TEK: variants seen among roughly 807,000 people sequenced by gnomAD.
The protein encoded by TEK is TEK receptor tyrosine kinase.
A neutral mutation model predicts 131.8 loss-of-function variants in TEK; 43 were observed. The ratio of observed to expected loss-of-function variants is 0.33; its 90% CI spans 0.26 to 0.42. The LOEUF (loss-of-function observed/expected upper bound fraction) is 0.42. Among genes scored for constraint, TEK ranks in the 10% least tolerant of loss-of-function variants. The pLI is 1.00. For synonymous variants in TEK, 580 were observed against 491.6 expected, an observed-to-expected ratio of 1.18 and a Z score of -2.38; for missense variants, 1,162 against 1,384.4, an observed-to-expected ratio of 0.84 and a Z score of 2.55.
intron 2 of TEK, among the ~76,000 whole-genome samples, chr9:27,164,171 C>T (rs1440302390): frequency 6.6e-6 from 1 of 152,140 alleles, no homozygotes; most frequent in East Asian, 1.9e-4. Flanking sequence ...GGACAGGTTA[C>T]CTAGCTTCTC....
chr9:27,200,296 A>G (rs1377094392), intron 12 of TEK, among the ~76,000 whole-genome samples: 1 of 152,198 alleles, frequency 6.6e-6, no homozygotes, highest in Non-Finnish European at 1.5e-5. Context: ...TCCTATTTCA[A>G]AATTATCTGA....
chr9:27,174,246 T>C (rs1824079921), intron 6 of TEK, among the ~76,000 whole-genome samples: 1 of 152,160 alleles, frequency 6.6e-6, no homozygotes, highest in South Asian at 2.1e-4. Flanking sequence ...GCTCAAAGGC[T>C]TTTCAGTGTT....
At chr9:27,198,990 G>T (rs1825122879) in intron 12 of TEK, among the ~76,000 whole-genome samples, 5 of 151,794 alleles carry the variant, frequency 3.3e-5, no homozygotes, top group Admixed American at 3.3e-4. Flanking sequence ...TGTAGAGATG[G>T]GATCTCCCTA....
In TEK at chr9:27,202,958, A is replaced by C; in HGVS notation, c.2048A>C (p.Gln683Pro). The change falls in exon 13 of 23, where the codon CAG becomes CCG. Residue 683 changes from glutamine to proline, a missense_variant. By Grantham distance (76) the Gln-to-Pro change is moderately conservative. This residue lies in a region of TEK where 477 missense variants were observed against 471.0 expected (regional missense o/e 1.01). Coordinates refer to ENST00000380036, the MANE Select transcript of TEK (RefSeq NM_000459.5). ...RYKVQGKNED[Q>P]HVDVKIKNAT... is the part of the protein sequence containing the mutation. ...AAGGTTCAAGGCAAGAATGAAGACC[A>C]GCACGTTGATGTGAAGATAAAGAAT... The C allele has an allele frequency of 6.2e-7, 1 of 1,614,142 alleles. No homozygotes were observed. Among genetic ancestry groups the C allele is most frequent in the Non-Finnish European group, 8.5e-7 (1 of 1,180,000 alleles).
At chr9:27,223,666 G>A (rs1014291509) in intron 21 of TEK, among the ~76,000 whole-genome samples, 1 of 152,162 alleles carries the variant, frequency 6.6e-6, no homozygotes, top group Non-Finnish European at 1.5e-5. Flanking sequence ...GAGAAAGCAG[G>A]AAAGATCTAA....
intron 1 of TEK, among the ~76,000 whole-genome samples, chr9:27,139,642 G>A (rs11790417): frequency 0.39 from 58,656 of 151,614 alleles, 12,233 homozygotes; most frequent in African/African-American, 0.49. Context: ...TATGATTTTT[G>A]AGAAGTTGGT....
intron 1 of TEK, among the ~76,000 whole-genome samples, chr9:27,127,527 C>G (rs972023499): frequency 1.3e-5 from 2 of 152,158 alleles, no homozygotes; most frequent in African/African-American, 4.8e-5. Flanking sequence ...TTTGGTATTT[C>G]TAGTTCTAGA....
At chr9:27,169,452 G>C (rs765669440) in intron 3 of TEK, 25 bp from the exon 4 acceptor site, 36 of 1,613,386 alleles carry the variant, frequency 2.2e-5, no homozygotes, top group Non-Finnish European at 2.9e-5. Flanking sequence ...GTGACCTACG[G>C]TTCTTCACTC....
At chr9:27,186,763 T>C (rs761217536) in intron 9 of TEK, among the ~76,000 whole-genome samples, 57 of 152,154 alleles carry the variant, frequency 3.7e-4, no homozygotes, top group Non-Finnish European at 5.9e-4. Flanking sequence ...ACTTCATTAG[T>C]AATCTCTTGG....
chr9:27,191,249 A>C (rs1431983725), intron 10 of TEK, among the ~76,000 whole-genome samples: 1 of 152,176 alleles, frequency 6.6e-6, no homozygotes, highest in African/African-American at 2.4e-5. Context: ...GGACAAGGAC[A>C]GGCAAAGGGA....
At chr9:27,192,296 C>T (rs1292905932) in intron 10 of TEK, among the ~76,000 whole-genome samples, 193 bp from the exon 11 acceptor site, 1 of 152,140 alleles carries the variant, frequency 6.6e-6, no homozygotes, top group Non-Finnish European at 1.5e-5. Context: ...ACATTGTAAC[C>T]TGGAAACATT....
intron 4 of TEK, among the ~76,000 whole-genome samples, 155 bp from the exon 5 acceptor site, chr9:27,172,461 T>G (rs1413296741): frequency 1.3e-5 from 2 of 152,196 alleles, no homozygotes; most frequent in African/African-American, 2.4e-5. Flanking sequence ...CATGTCTGTC[T>G]CCCATATTAG....
At chr9:27,192,670 G>A (rs1488796255) in intron 11 of TEK, 47 bp downstream of exon 11, 1 of 1,574,948 alleles carries the variant, frequency 6.3e-7, no homozygotes, top group Non-Finnish European at 8.7e-7. Context: ...GGTGGGAGGG[G>A]GAGGAAGGGG....
intron 4 of TEK, 69 bp from the exon 5 acceptor site, chr9:27,172,547 A>G: frequency 6.3e-7 from 1 of 1,597,320 alleles, no homozygotes; most frequent in Non-Finnish European, 8.6e-7. Context: ...GACACACAGT[A>G]GGTGCTCAAT....
intron 15 of TEK, among the ~76,000 whole-genome samples, chr9:27,207,315 G>A (rs1825433660): frequency 6.6e-6 from 1 of 152,204 alleles, no homozygotes; most frequent in African/African-American, 2.4e-5. Context: ...TGTTAGAAAT[G>A]CATTCACTTG....
intron 11 of TEK, 80 bp from the exon 12 acceptor site, chr9:27,197,235 A>G (rs185741255): frequency 3.8e-5 from 57 of 1,482,070 alleles, no homozygotes; most frequent in Non-Finnish European, 5.0e-5. Flanking sequence ...ATTACATTTC[A>G]GTATGAGATT....
chr9:27,190,586 T>C lies in TEK; in HGVS notation c.1385T>C (p.Val462Ala). ...ATTGACACTGGACATAACTTTGCTG[T>C]CATCAACATCAGCTCTGAGCCTTAC... ...NVIDTGHNFAVINISSEPYFG... is the reference protein window; with the variant it reads ...NVIDTGHNFAAINISSEPYFG... Residue 462 changes from valine (V) to alanine (A), a missense_variant, in exon 10 of 23, where the codon GTC becomes GCC. Physicochemically the swap from Val to Ala is moderately conservative, Grantham distance 64. Transcript: ENST00000380036. 1 of 1,614,062 alleles carries C rather than the reference T, an allele frequency of 6.2e-7. No individual in the cohort carries two copies. Among genetic ancestry groups the C allele is most frequent in the Non-Finnish European group, 8.5e-7 (1 of 1,179,924 alleles).
intron 9 of TEK, among the ~76,000 whole-genome samples, chr9:27,188,058 C>T (rs1824665938): frequency 1.3e-5 from 2 of 152,018 alleles, no homozygotes; most frequent in South Asian, 2.1e-4. Flanking sequence ...AATTAATTTC[C>T]GCAACAGTAT....
intron 1 of TEK, among the ~76,000 whole-genome samples, chr9:27,130,313 T>C (rs912252157): frequency 1.3e-5 from 2 of 152,124 alleles, no homozygotes; most frequent in African/African-American, 4.8e-5. Flanking sequence ...GAAAACTAAT[T>C]TTCTGTTTGG....
Sources: gnomAD v4.1 joint callset for allele counts (sites outside exome capture counted in the v4.1 genomes callset) on GRCh38, gnomAD v4.1.1 for gene constraint, gnomAD v4.1.1 regional missense constraint, MANE v1.5 for transcripts, NCBI Gene and HGNC (gene_info 2026-07-23, HGNC 2026-07-21) for gene names.